ABTB2: variants seen among roughly 807,000 people sequenced by gnomAD.
ABTB2 encodes the protein ankyrin repeat and BTB/POZ domain-containing protein 2.
ABTB2 carries 56 observed loss-of-function variants against 104.1 expected under a neutral mutation model. The observed-to-expected ratio is 0.54, with a 90% CI of 0.43 to 0.67. The LOEUF is 0.67. ABTB2 is among the 30% of genes least tolerant of loss of function. The pLI is 0.00. For synonymous variants in ABTB2, 606 were observed against 608.2 expected, an observed-to-expected ratio of 1.00 and a Z score of 0.05; for missense variants, 1,279 against 1,407.7, an observed-to-expected ratio of 0.91 and a Z score of 1.46.
At chr11:34,301,481 TA>T (rs1305489790) in intron 1 of ABTB2, among the ~76,000 whole-genome samples, 1 of 152,144 alleles carries the variant, frequency 6.6e-6, no homozygotes, top group Non-Finnish European at 1.5e-5. Context: ...TGAGCTTACA[TA>T]AATTGGGGCA....
At chr11:34,261,137 C>G (rs74377928) in intron 1 of ABTB2, among the ~76,000 whole-genome samples, 8,072 of 152,032 alleles carry the variant, frequency 0.053, 280 homozygotes, top group South Asian at 0.085. Context: ...CCTGCCCCCC[C>G]CAAAAAAAGA....
chr11:34,355,512 T>G (rs1461319697), intron 1 of ABTB2, among the ~76,000 whole-genome samples: 1 of 152,208 alleles, frequency 6.6e-6, no homozygotes, highest in Non-Finnish European at 1.5e-5. Context: ...AGTACTTGAG[T>G]TAAATACAAA....
rs1852559727 is a variant in ABTB2 at position 34,152,575 on chromosome 11, C to T, written c.2890G>A (p.Ala964Thr). 1 of 1,580,336 alleles carries T rather than the reference C, an allele frequency of 6.3e-7. No homozygotes were observed. The highest frequency in any genetic ancestry group is 1.1e-5 in the South Asian group (1 of 90,310). ...NTYKYAKIHN[A>T]PELALFCEGF... ...TCACAGAACAGGGCCAGTTCTGGGG[C>T]ATTGTGGATCTGTAGGGCAGAGAGA... The change falls in exon 17 of 17, where the codon GCC becomes ACC. Residue 964 changes from alanine to threonine, a missense_variant. Ala to Thr is a moderately conservative substitution (Grantham distance 58). Coordinates refer to ENST00000435224, the MANE Select transcript of ABTB2 (RefSeq NM_145804.3).
At chr11:34,294,639 C>T (rs1164480925) in intron 1 of ABTB2, among the ~76,000 whole-genome samples, 3 of 152,052 alleles carry the variant, frequency 2.0e-5, no homozygotes, top group Non-Finnish European at 4.4e-5. Flanking sequence ...CTTTGGGAGG[C>T]TAAAGCAGGA....
chr11:34,182,547 T>G (rs1046827458), intron 3 of ABTB2, among the ~76,000 whole-genome samples: 1 of 149,042 alleles, frequency 6.7e-6, no homozygotes, highest in Non-Finnish European at 1.5e-5. Context: ...CTGGTACAGA[T>G]TAGAGGCACT....
intron 1 of ABTB2, among the ~76,000 whole-genome samples, chr11:34,230,093 G>C (rs982367721): frequency 6.6e-6 from 1 of 152,190 alleles, no homozygotes; most frequent in African/African-American, 2.4e-5. Flanking sequence ...GAAGCTCCTG[G>C]GAAGCCTGTA....
At chr11:34,234,648 C>A (rs1483577378) in intron 1 of ABTB2, among the ~76,000 whole-genome samples, 2 of 152,180 alleles carry the variant, frequency 1.3e-5, no homozygotes, top group South Asian at 2.1e-4. Context: ...TGTGCGGAAT[C>A]TTTTCCTTAT....
rs1330112286 is a variant in ABTB2, at chr11:34,154,213, G to A, written c.2880+52C>T. 22 of 1,436,892 alleles carry A rather than the reference G, an allele frequency of 1.5e-5. No homozygotes were observed. Among genetic ancestry groups the A allele is most frequent in the Non-Finnish European group, 2.0e-5 (20 of 1,023,552 alleles). 89.0% of individuals were successfully genotyped at this position (1,436,892 alleles called of 1,614,324 possible). ...GTGCAGCCACACGGCCGAGGCCCCC[G>A]TGGAGCAGAGCATGTGGTGGGAGGT... On this transcript the variant is annotated intron_variant, in intron 16 of 16. Transcript: ENST00000435224. The surrounding 1 kb of genome is among the most constrained non-coding windows in gnomAD (Gnocchi z 4.9).
chr11:34,265,661 GAAAAAAAAAAAA>G (rs1233763258), intron 1 of ABTB2, among the ~76,000 whole-genome samples: 4 of 25,674 alleles, frequency 1.6e-4, no homozygotes, highest in Admixed American at 3.7e-4. Flanking sequence ...TCTGTCTCAA[GAAAAAAAAAAAA>G]AAAAAAAAAA....
intron 1 of ABTB2, among the ~76,000 whole-genome samples, chr11:34,352,162 A>G (rs1262893345): frequency 6.6e-6 from 1 of 152,192 alleles, no homozygotes; most frequent in Non-Finnish European, 1.5e-5. Context: ...TCCCACAACC[A>G]GAAGAGGTTT....
chr11:34,354,151 T>C (rs1855433584), intron 1 of ABTB2, among the ~76,000 whole-genome samples: 2 of 152,142 alleles, frequency 1.3e-5, no homozygotes, highest in Non-Finnish European at 2.9e-5. Flanking sequence ...TGGAAGTGAA[T>C]GGTCACCTCG....
intron 1 of ABTB2, among the ~76,000 whole-genome samples, chr11:34,300,576 G>A (rs568997786): frequency 4.6e-5 from 7 of 152,234 alleles, no homozygotes; most frequent in Admixed American, 1.3e-4. Flanking sequence ...AGTTAGGCTG[G>A]GCAATACTAC....
intron 1 of ABTB2, among the ~76,000 whole-genome samples, chr11:34,274,231 C>T (rs1040600883): frequency 2.1e-5 from 3 of 142,108 alleles, no homozygotes; most frequent in Non-Finnish European, 1.5e-5. Flanking sequence ...TAAGGACTTA[C>T]TTTGCGTGGA....
At chr11:34,325,897 G>C (rs1855063615) in intron 1 of ABTB2, among the ~76,000 whole-genome samples, 1 of 150,916 alleles carries the variant, frequency 6.6e-6, no homozygotes, top group South Asian at 2.1e-4. Context: ...GTTGCAGTAA[G>C]CTGAGATTGC....
At chr11:34,176,229 G>A (rs566200119) in intron 3 of ABTB2, among the ~76,000 whole-genome samples, 12 of 130,814 alleles carry the variant, frequency 9.2e-5, no homozygotes, top group African/African-American at 2.5e-4. Context: ...GCAATGAGCC[G>A]AGATCATGCC....
intron 1 of ABTB2, among the ~76,000 whole-genome samples, chr11:34,268,179 C>G (rs1358431917): frequency 6.6e-6 from 1 of 152,216 alleles, no homozygotes; most frequent in Non-Finnish European, 1.5e-5. Flanking sequence ...AGTGATCCAC[C>G]TGTCTTGGGT....
At chr11:34,342,617 C>A (rs1014038466) in intron 1 of ABTB2, among the ~76,000 whole-genome samples, 4 of 152,166 alleles carry the variant, frequency 2.6e-5, no homozygotes, top group African/African-American at 9.7e-5. Flanking sequence ...TGATATAATA[C>A]ATGTGAAGCA....
chr11:34,247,349 T>C (rs1027416893), intron 1 of ABTB2, among the ~76,000 whole-genome samples: 1 of 152,230 alleles, frequency 6.6e-6, no homozygotes, highest in Non-Finnish European at 1.5e-5. Flanking sequence ...GGGAAAGCCA[T>C]ACACATTCAG....
At chr11:34,183,433 G>A (rs1436533735) in intron 3 of ABTB2, among the ~76,000 whole-genome samples, 4 of 152,176 alleles carry the variant, frequency 2.6e-5, no homozygotes, top group Admixed American at 6.5e-5. Context: ...GAGAGCTACC[G>A]CCAGCACTGG....
Sources: allele counts gnomAD v4.1 joint callset (sites outside exome capture counted in the v4.1 genomes callset), GRCh38; gene constraint gnomAD v4.1.1; non-coding constraint Gnocchi (gnomAD v3.1); transcripts MANE v1.5; gene names NCBI Gene and HGNC (gene_info 2026-07-23, HGNC 2026-07-21).